SUGP2: variants seen among roughly 807,000 people sequenced by gnomAD.
SUGP2 encodes the protein SURP and G-patch domain-containing protein 2.
A neutral mutation model predicts 90.5 loss-of-function variants in SUGP2; 24 were observed. The ratio of observed to expected loss-of-function variants is 0.27; its 90% CI spans 0.19 to 0.37. The LOEUF is 0.37. SUGP2 is among the 10% of genes least tolerant of loss of function. The pLI is 1.00. For missense variants in SUGP2, 1,233 were observed against 1,363.3 expected (o/e 0.90, Z 1.51); for synonymous variants, 473 against 513.4 (o/e 0.92, Z 1.06).
chr19:19,029,178 G>A (rs1335760216), intron 2 of SUGP2, among the ~76,000 whole-genome samples: 1 of 150,804 alleles, frequency 6.6e-6, no homozygotes, highest in East Asian at 2.0e-4. Flanking sequence ...GTCTTGCTCT[G>A]TCACCCAGGC....
At chr19:19,011,081 G>A (rs1329093429) in intron 4 of SUGP2, among the ~76,000 whole-genome samples, 2 of 151,458 alleles carry the variant, frequency 1.3e-5, no homozygotes, top group African/African-American at 4.9e-5. Flanking sequence ...AGAGGCTGTG[G>A]TGAGCTGTGA....
Position 19,008,559 on chromosome 19 carries a change from C to T in SUGP2, c.2339-131G>A, listed in dbSNP as rs937643819. 11 of 730,066 alleles carry T rather than the reference C, an allele frequency of 1.5e-5. No individual in the cohort carries two copies. The Admixed American group carries it at 2.1e-4, about 14-fold the overall frequency. The allele number at this position is 730,066 out of a possible 1,614,324, so 45.2% of individuals were successfully genotyped here. ...CTCCCTGTAGCCTTGCCCTTCGTCA[C>T]ATGTGGACCCTTTGTCACCAAGAAG... is the stretch of plus-strand genomic sequence containing the variant. On this transcript the variant is annotated intron_variant, in intron 5 of 10. Transcript: ENST00000452918.
At chr19:19,014,718 G>T (rs542873076) in intron 4 of SUGP2, among the ~76,000 whole-genome samples, 2 of 151,690 alleles carry the variant, frequency 1.3e-5, no homozygotes, top group East Asian at 3.9e-4. Context: ...GGGGGATTTT[G>T]TGAGCCCAGG....
chr19:19,032,376 C>T (rs1303080315), intron 1 of SUGP2, among the ~76,000 whole-genome samples: 4 of 152,118 alleles, frequency 2.6e-5, no homozygotes, highest in Admixed American at 2.6e-4. Context: ...CCAGGCTGGT[C>T]TTGAATTCCT....
intron 6 of SUGP2, among the ~76,000 whole-genome samples, chr19:19,008,005 C>T (rs1208284287): frequency 6.6e-6 from 1 of 152,050 alleles, no homozygotes; most frequent in Non-Finnish European, 1.5e-5. Flanking sequence ...GTGATTAGAA[C>T]AGATCTTTCT....
At chr19:18,998,075 T>A (rs976517172) in intron 8 of SUGP2, among the ~76,000 whole-genome samples, 9 of 152,288 alleles carry the variant, frequency 5.9e-5, no homozygotes, top group Middle Eastern at 3.4e-3. Flanking sequence ...TGTTCTCTAG[T>A]CCCATTCAAT....
At chr19:19,028,722 G>A (rs1044835286) in intron 2 of SUGP2, among the ~76,000 whole-genome samples, 2 of 151,720 alleles carry the variant, frequency 1.3e-5, no homozygotes, top group Non-Finnish European at 2.9e-5. Context: ...TTTTTGAGAC[G>A]GAGTCTCGTT....
Position 19,008,364 on chromosome 19 carries a change from C to T in SUGP2, c.2403G>A (p.Glu801=). The T allele has an allele frequency of 6.2e-7, 1 of 1,614,196 alleles. No individual in the cohort carries two copies. The highest frequency in any genetic ancestry group is 8.5e-7 in the Non-Finnish European group (1 of 1,180,036). Residue 801 remains glutamate (E), a synonymous_variant, in exon 6 of 11, where the codon GAG becomes GAA. Coordinates refer to ENST00000452918, the MANE Select transcript of SUGP2 (RefSeq NM_001017392.5). The part of the protein sequence containing the change: ...LARFVAQVGP[E]IEQFSIENST... ...TGTTTTCTATGCTGAATTGTTCGATCTCTGGTCCCACCTGAGCAACAAATC... is the reference window on the plus strand; with the variant it reads ...TGTTTTCTATGCTGAATTGTTCGATTTCTGGTCCCACCTGAGCAACAAATC...
At chr19:19,029,443 CTTTTTTTT>C (rs1275537915) in intron 2 of SUGP2, among the ~76,000 whole-genome samples, 24 of 126,372 alleles carry the variant, frequency 1.9e-4, no homozygotes, top group Non-Finnish European at 2.2e-4. Flanking sequence ...CATTTTTTTT[CTTTTTTTT>C]TTTTTGAGAT....
At chr19:19,008,256 T>C (rs1279494213) in intron 6 of SUGP2, 61 bp downstream of exon 6, 1 of 1,371,496 alleles carries the variant, frequency 7.3e-7, no homozygotes, top group African/African-American at 1.4e-5. Context: ...CTAAGCAACA[T>C]CCTTAGACTT....
intron 5 of SUGP2, among the ~76,000 whole-genome samples, chr19:19,009,352 G>A (rs1181353574): frequency 1.3e-5 from 2 of 151,812 alleles, no homozygotes; most frequent in Non-Finnish European, 2.9e-5. Context: ...CAGGCCTGTG[G>A]TACAGAGAGA....
chr19:19,016,556 G>A (rs908544376), intron 4 of SUGP2, among the ~76,000 whole-genome samples: 1 of 152,096 alleles, frequency 6.6e-6, no homozygotes, highest in Non-Finnish European at 1.5e-5. Flanking sequence ...CAAGAGGGTC[G>A]GTATCTGCTT....
rs1216484460 is a variant in SUGP2, at chr19:19,024,630, C to T, written c.1718G>A (p.Ser573Asn). ...GCTGATTTCCTTACCATCACTCAGA[C>T]TACTTGGAGCCTTGGCCTGAATTTC... ...KPEIQAKAPSSLSDAVPQRAD... is the reference protein window; with the variant it reads ...KPEIQAKAPSNLSDAVPQRAD... The change falls in exon 3 of 11, where the codon AGT becomes AAT. Residue 573 changes from serine to asparagine, a missense_variant. Coordinates refer to ENST00000452918, the MANE Select transcript of SUGP2 (RefSeq NM_001017392.5). The T allele has an allele frequency of 6.2e-7, 1 of 1,611,812 alleles. No individual in the cohort carries two copies. Among genetic ancestry groups the T allele is most frequent in the Non-Finnish European group, 8.5e-7 (1 of 1,178,714 alleles).
intron 3 of SUGP2, among the ~76,000 whole-genome samples, chr19:19,020,945 A>T (rs1055076223): frequency 2.6e-4 from 40 of 152,008 alleles, no homozygotes; most frequent in Non-Finnish European, 3.7e-4. Context: ...GGATCACCTG[A>T]GGTCAGGAGT....
rs34670209 is a variant in SUGP2, at chr19:19,007,755, CTTTTTT to C, written c.2450+556_2450+561del. On this transcript the variant is annotated intron_variant, in intron 6 of 10. Transcript: ENST00000452918. Reference sequence around the variant, plus strand: ...ACAAGCATGAGCCATTGCACCTAGCCTTTTTTTTTTTTTTTTTTTTTGGAGATGAAG... The same window carrying C: ...ACAAGCATGAGCCATTGCACCTAGCCTTTTTTTTTTTTTTTGGAGATGAAG... Among the ~76,000 whole-genome samples, 615 of 113,408 alleles carry C rather than the reference CTTTTTT, an allele frequency of 5.4e-3. 13 individuals are homozygous for C. Among genetic ancestry groups the C allele is most frequent in the African/African-American group, 0.021 (588 of 28,404 alleles). 74.4% of individuals were successfully genotyped at this position (113,408 alleles called of 152,430 possible). A position where few individuals can be genotyped will look rare whatever the true frequency, so the allele number is the denominator to read the frequency against.
intron 1 of SUGP2, chr19:19,033,078 G>A (rs1298834780): frequency 6.5e-6 from 1 of 154,626 alleles, no homozygotes; most frequent in Non-Finnish European, 1.4e-5. Context: ...AAAGGGGCTG[G>A]TGTGGGGGCT....
In SUGP2 at chr19:19,026,196, G is replaced by A. The variant is rs762524571; in HGVS notation, c.152C>T (p.Ala51Val). Residue 51 changes from alanine to valine, a missense_variant, in exon 3 of 11, where the codon GCA becomes GTA. Ala to Val is a moderately conservative substitution (Grantham distance 64). This residue lies in a region of SUGP2 where 418 missense variants were observed against 399.9 expected (regional missense o/e 1.05). Coordinates refer to ENST00000452918, the MANE Select transcript of SUGP2 (RefSeq NM_001017392.5). The part of the protein sequence containing the change: ...DLLRAVPRSR[A>V]EMYDDVHSDG... ...GCTGTGGACGTCATCATACATCTCT[G>A]CTCTGGATCTTGGGACTGCCCTTAA... 4 of 1,606,060 alleles carry A rather than the reference G, an allele frequency of 2.5e-6. No individual in the cohort carries two copies. The highest frequency in any genetic ancestry group is 3.4e-6 in the Non-Finnish European group (4 of 1,176,536).
At chr19:18,997,840 A>ACTTTGAC (rs1389216936) in intron 8 of SUGP2, among the ~76,000 whole-genome samples, 1 of 151,780 alleles carries the variant, frequency 6.6e-6, no homozygotes, top group Non-Finnish European at 1.5e-5. Context: ...GAATTATAGC[A>ACTTTGAC]CTTTGACAGG....
In SUGP2 at chr19:19,004,492, C is replaced by A; in HGVS notation, c.2605G>T (p.Glu869Ter). The A allele has an allele frequency of 6.2e-7, 1 of 1,614,250 alleles. No individual in the cohort carries two copies. The highest frequency in any genetic ancestry group is 8.5e-7 in the Non-Finnish European group (1 of 1,180,042). ...TCGTCTTCAAACTCTGCTTCCCCTT[C>A]CATGAGGTCCACGGGGCTCTCCTGA... Reference protein sequence around the residue: ...GSQESPVDLMEGEAEFEDEPP... With the variant: ...GSQESPVDLM The change falls in exon 7 of 11, where the codon GAA becomes TAA. Residue 869 changes from glutamate (E) to a stop codon, truncating the protein, a stop_gained. Coordinates refer to ENST00000452918, the MANE Select transcript of SUGP2 (RefSeq NM_001017392.5). LOFTEE classifies it high-confidence loss of function.
Sources: allele counts gnomAD v4.1 joint callset (sites outside exome capture counted in the v4.1 genomes callset), GRCh38; gene constraint gnomAD v4.1.1; regional missense constraint gnomAD v4.1.1; transcripts MANE v1.5; gene names NCBI Gene and HGNC (gene_info 2026-07-23, HGNC 2026-07-21).